Variants in NOS1AP observed in about 807,000 individuals in gnomAD.
NOS1AP encodes the protein nitric oxide synthase 1 adaptor protein, also known as carboxyl-terminal PDZ ligand of neuronal nitric oxide synthase protein.
Under a neutral mutation model 56.2 loss-of-function variants are expected in NOS1AP, and 21 were observed. The ratio of observed to expected loss-of-function variants is 0.37; its 90% CI spans 0.26 to 0.54. The LOEUF is 0.54. Ranked by LOEUF, NOS1AP falls within the 20% of genes least tolerant of loss-of-function variation. The pLI, the probability that NOS1AP is intolerant of heterozygous loss-of-function variation, is 0.84. For synonymous variants in NOS1AP, 270 were observed against 274.6 expected (o/e 0.98, Z 0.17); for missense variants, 522 against 657.8 (o/e 0.79, Z 2.26).
chr1:162,350,578 C>G (rs1368131927), intron 6 of NOS1AP, among the ~76,000 whole-genome samples: 5 of 152,220 alleles, frequency 3.3e-5, no homozygotes. Flanking sequence ...ACCCTCCTCC[C>G]CCAGCTGCAG....
intron 2 of NOS1AP, among the ~76,000 whole-genome samples, chr1:162,247,698 C>A (rs541555858): frequency 5.4e-4 from 82 of 152,202 alleles, no homozygotes; most frequent in Non-Finnish European, 5.9e-5. Flanking sequence ...TCCCGTCCCC[C>A]CCACATTGTC....
chr1:162,266,110 C>T (rs894946767), intron 2 of NOS1AP, among the ~76,000 whole-genome samples: 1 of 152,176 alleles, frequency 6.6e-6, no homozygotes, highest in Non-Finnish European at 1.5e-5. Context: ...AATTCAGTCT[C>T]ATGGCTGCGT....
intron 5 of NOS1AP, among the ~76,000 whole-genome samples, chr1:162,335,240 T>C (rs1056756231): frequency 2.0e-5 from 3 of 152,232 alleles, no homozygotes; most frequent in African/African-American, 7.2e-5. Context: ...TAGCTCTTCA[T>C]AGAGTTGGTT....
chr1:162,230,485 A>G (rs1204145643), intron 2 of NOS1AP, among the ~76,000 whole-genome samples: 3 of 152,240 alleles, frequency 2.0e-5, no homozygotes, highest in Non-Finnish European at 4.4e-5. Flanking sequence ...TTAAAAAGCT[A>G]AAAAGAATCT....
intron 2 of NOS1AP, among the ~76,000 whole-genome samples, chr1:162,165,563 T>TG (rs2102118600): frequency 6.6e-6 from 1 of 152,208 alleles, no homozygotes; most frequent in East Asian, 1.9e-4. Flanking sequence ...CTCGCAGAGG[T>TG]GGTAAGTGGG....
intron 2 of NOS1AP, among the ~76,000 whole-genome samples, chr1:162,156,567 A>G (rs1366319972): frequency 6.6e-6 from 1 of 152,176 alleles, no homozygotes; most frequent in African/African-American, 2.4e-5. Flanking sequence ...CTGGACCTGC[A>G]GCTGGCCTGT....
chr1:162,187,539 A>G (rs1571111203), intron 2 of NOS1AP, among the ~76,000 whole-genome samples: 1 of 152,210 alleles, frequency 6.6e-6, no homozygotes, highest in Admixed American at 6.5e-5. Context: ...ACCCAAGGGT[A>G]TGGAGAATTC....
intron 1 of NOS1AP, among the ~76,000 whole-genome samples, chr1:162,120,884 A>T (rs937521904): frequency 2.6e-5 from 4 of 152,174 alleles, no homozygotes; most frequent in African/African-American, 9.7e-5. Flanking sequence ...AAAAGTGTAG[A>T]TGCCTCTGCT....
In NOS1AP at chr1:162,130,158, T is replaced by G. The variant is rs574769922; in HGVS notation, c.106-24247T>G. Among the ~76,000 whole-genome samples, 16 of 152,344 alleles carry G rather than the reference T, an allele frequency of 1.1e-4. 1 individual carries two copies. Among genetic ancestry groups the G allele is most frequent in the African/African-American group, 3.6e-4 (15 of 41,584 alleles). Reference sequence around the variant, plus strand: ...CATTGTATATATGTACAGGTGGAGTTACGGCTATTTCTGATAATGGCTATA... The same window carrying G: ...CATTGTATATATGTACAGGTGGAGTGACGGCTATTTCTGATAATGGCTATA... On this transcript the variant is annotated intron_variant, in intron 1 of 9. Transcript: ENST00000361897.
chr1:162,146,218 G>A (rs1649461074), intron 1 of NOS1AP, among the ~76,000 whole-genome samples: 1 of 152,182 alleles, frequency 6.6e-6, no homozygotes, highest in South Asian at 2.1e-4. Flanking sequence ...GATTCTGCTA[G>A]CCTCTTCTGA....
Position 162,368,033 on chromosome 1 carries a change from G to C in NOS1AP, c.*566G>C, listed in dbSNP as rs192330867. ...GACCGCAAAAGCCAGGCTAGTCCTT[G>C]TAGGGTGAGCATGGAATTGGAATGT... is the stretch of plus-strand genomic sequence containing the variant. On this transcript the variant is annotated 3_prime_UTR_variant, in exon 10 of 10. Coordinates refer to ENST00000361897, the MANE Select transcript of NOS1AP (RefSeq NM_014697.3). 16 of 154,154 alleles carry C rather than the reference G, an allele frequency of 1.0e-4. No individual in the cohort carries two copies. The highest frequency in any genetic ancestry group is 1.9e-4 in the Non-Finnish European group (13 of 69,090). 9.5% of individuals were successfully genotyped at this position (154,154 alleles called of 1,614,324 possible). A position where few individuals can be genotyped will look rare whatever the true frequency, so the allele number is the denominator to read the frequency against.
At chr1:162,201,426 CT>C (rs1651987373) in intron 2 of NOS1AP, among the ~76,000 whole-genome samples, 2 of 152,140 alleles carry the variant, frequency 1.3e-5, no homozygotes, top group South Asian at 4.1e-4. Flanking sequence ...ATGCATGTAT[CT>C]TTATGATAGA....
At chr1:162,196,893 G>T (rs1001389710) in intron 2 of NOS1AP, among the ~76,000 whole-genome samples, 1 of 152,204 alleles carries the variant, frequency 6.6e-6, no homozygotes, top group Non-Finnish European at 1.5e-5. Flanking sequence ...CCCCGCTATG[G>T]TTTTTGTCCC....
At chr1:162,305,204 T>C (rs1012670152) in intron 4 of NOS1AP, among the ~76,000 whole-genome samples, 1 of 152,170 alleles carries the variant, frequency 6.6e-6, no homozygotes, top group African/African-American at 2.4e-5. Context: ...ATTAATTACA[T>C]TGGTAGTCCT....
intron 2 of NOS1AP, among the ~76,000 whole-genome samples, chr1:162,273,224 C>T (rs138024311): frequency 0.013 from 1,748 of 135,560 alleles, 32 homozygotes; most frequent in African/African-American, 0.045. Context: ...AGTGCAGTGG[C>T]GCGATCTCGG....
chr1:162,217,858 T>C (rs1022785903), intron 2 of NOS1AP, among the ~76,000 whole-genome samples: 1 of 152,226 alleles, frequency 6.6e-6, no homozygotes, highest in Non-Finnish European at 1.5e-5. Flanking sequence ...TGCTAATTGC[T>C]GGATGGTTTC....
chr1:162,134,830 G>A lies in NOS1AP; in HGVS notation c.106-19575G>A, dbSNP rs73026913. ...CAAAGTTCGTGGCTCAAAACCCTTA[G>A]GTGGCTGCACATGACTTAAGAGTAG... On this transcript the variant is annotated intron_variant, in intron 1 of 9. Transcript: ENST00000361897. Among the ~76,000 whole-genome samples, 1,162 of 152,232 alleles carry A rather than the reference G, an allele frequency of 7.6e-3. 16 individuals carry two copies. The highest frequency in any genetic ancestry group is 0.027 in the African/African-American group (1,132 of 41,530).
intron 1 of NOS1AP, among the ~76,000 whole-genome samples, chr1:162,110,177 GT>G (rs1280542290): frequency 1.3e-5 from 2 of 151,886 alleles, no homozygotes; most frequent in African/African-American, 4.9e-5. Flanking sequence ...CTACATGTCG[GT>G]TCCCCTCCGG....
At chr1:162,121,531 A>T (rs1056239211) in intron 1 of NOS1AP, among the ~76,000 whole-genome samples, 3 of 152,134 alleles carry the variant, frequency 2.0e-5, no homozygotes, top group Non-Finnish European at 2.9e-5. Flanking sequence ...CTCCATTTCC[A>T]GAGGAAGATG....
Sources: gnomAD v4.1 joint callset for allele counts (sites outside exome capture counted in the v4.1 genomes callset) on GRCh38, gnomAD v4.1.1 for gene constraint, MANE v1.5 for transcripts, NCBI Gene and HGNC (gene_info 2026-07-23, HGNC 2026-07-21) for gene names.